The following SLC13A3 variants were observed in gnomAD, a reference collection of about 807,000 sequenced individuals.
SLC13A3 encodes solute carrier family 13 member 3.
A neutral mutation model predicts 59.0 loss-of-function variants in SLC13A3; 40 were observed. The ratio of observed to expected loss-of-function variants is 0.68; its 90% CI spans 0.53 to 0.88. The LOEUF (loss-of-function observed/expected upper bound fraction) is 0.88, where lower values mean the gene tolerates loss of function less well. SLC13A3 is among the 40% of genes least tolerant of loss of function. SLC13A3 has a pLI of 0.00. For synonymous variants in SLC13A3, 317 were observed against 330.3 expected (o/e 0.96, Z 0.44); for missense variants, 699 against 783.2 (o/e 0.89, Z 1.28).
At chr20:46,560,649 CG>C (rs1415032178) in intron 12 of SLC13A3, among the ~76,000 whole-genome samples, 1 of 152,138 alleles carries the variant, frequency 6.6e-6, no homozygotes, top group Non-Finnish European at 1.5e-5. Flanking sequence ...CACACACACA[CG>C]CATGCATGTA....
chr20:46,632,913 A>AGATAGATAGATAGACAGACAGATAGC (rs1369865976), intron 1 of SLC13A3, among the ~76,000 whole-genome samples: 1 of 56,856 alleles, frequency 1.8e-5, no homozygotes. Context: ...AGATAGATAT[A>AGATAGATAGATAGACAGACAGATAGC]TCTATCTATC....
At chr20:46,649,408 C>T (rs1234706433) in intron 1 of SLC13A3, among the ~76,000 whole-genome samples, 1 of 152,168 alleles carries the variant, frequency 6.6e-6, no homozygotes, top group Non-Finnish European at 1.5e-5. Context: ...AGTAAATGCT[C>T]CCCGCCCCTT....
intron 5 of SLC13A3, among the ~76,000 whole-genome samples, chr20:46,595,773 T>G (rs1254426610): frequency 6.6e-6 from 1 of 152,158 alleles, no homozygotes; most frequent in Non-Finnish European, 1.5e-5. Context: ...GCAATGCCTT[T>G]CCCTCCTGTG....
intron 9 of SLC13A3, among the ~76,000 whole-genome samples, chr20:46,580,463 T>A (rs1308298595): frequency 1.3e-5 from 2 of 148,258 alleles, no homozygotes; most frequent in African/African-American, 4.9e-5. Context: ...ATATATAATA[T>A]ATAAAATAGA....
At chr20:46,615,122 C>T (rs533789724) in intron 1 of SLC13A3, among the ~76,000 whole-genome samples, 5 of 152,190 alleles carry the variant, frequency 3.3e-5, no homozygotes, top group Non-Finnish European at 7.3e-5. Context: ...ACTTAATGTC[C>T]TATTATTTGC....
upstream of SLC13A3, among the ~76,000 whole-genome samples, chr20:46,656,171 G>A (rs182744946): frequency 1.4e-3 from 204 of 142,044 alleles, no homozygotes; most frequent in Middle Eastern, 0.012. Flanking sequence ...TGTACAGTCT[G>A]TATTATATTG....
At chr20:46,625,915 G>A (rs1568943490) in intron 1 of SLC13A3, among the ~76,000 whole-genome samples, 1 of 152,136 alleles carries the variant, frequency 6.6e-6, no homozygotes. Context: ...CCTGCTGGTG[G>A]ACATTTGTAT....
intron 3 of SLC13A3, among the ~76,000 whole-genome samples, chr20:46,602,282 G>A (rs775053022): frequency 6.6e-6 from 1 of 152,130 alleles, no homozygotes; most frequent in Admixed American, 6.6e-5. Context: ...GCTGCAGTGA[G>A]GTATGATCAT....
chr20:46,610,715 T>C (rs1272001459), intron 2 of SLC13A3, 106 bp from the exon 3 acceptor site: 4 of 953,148 alleles, frequency 4.2e-6, no homozygotes, highest in African/African-American at 3.3e-5. Flanking sequence ...ATTTTACAGA[T>C]GGAAACTTGA....
chr20:46,657,489 C>T (rs2063002500), intron 1 of SLC13A3, among the ~76,000 whole-genome samples: 1 of 151,898 alleles, frequency 6.6e-6, no homozygotes, highest in Admixed American at 6.6e-5. Flanking sequence ...TTATTTAAAA[C>T]TTGTTTTTGC....
chr20:46,601,498 T>C (rs2062380123), intron 3 of SLC13A3, among the ~76,000 whole-genome samples: 1 of 152,190 alleles, frequency 6.6e-6, no homozygotes, highest in Non-Finnish European at 1.5e-5. Context: ...GCACCTGTCA[T>C]GTACCTGGTG....
intron 1 of SLC13A3, among the ~76,000 whole-genome samples, chr20:46,626,701 C>T (rs1295727369): frequency 2.6e-5 from 4 of 152,166 alleles, no homozygotes; most frequent in African/African-American, 4.8e-5. Context: ...CTGACCTTCC[C>T]ACTCTGCCAG....
intron 10 of SLC13A3, among the ~76,000 whole-genome samples, chr20:46,571,780 G>T (rs2062030388): frequency 6.6e-6 from 1 of 152,070 alleles, no homozygotes; most frequent in African/African-American, 2.4e-5. Flanking sequence ...TCTAGATGTG[G>T]GGGCTTGGGA....
At chr20:46,664,757 G>A (rs2063052407) in intron 1 of SLC13A3, among the ~76,000 whole-genome samples, 1 of 152,086 alleles carries the variant, frequency 6.6e-6, no homozygotes. Flanking sequence ...TCCATGAAGA[G>A]GACCCTAAGT....
chr20:46,626,213 C>T (rs2062669885), intron 1 of SLC13A3, among the ~76,000 whole-genome samples: 1 of 148,984 alleles, frequency 6.7e-6, no homozygotes, highest in Non-Finnish European at 1.5e-5. Context: ...CTCTGTCTGT[C>T]CTCTCTCTCC....
chr20:46,666,731 T>C (rs912526943), intron 1 of SLC13A3, among the ~76,000 whole-genome samples: 1 of 152,152 alleles, frequency 6.6e-6, no homozygotes, highest in Non-Finnish European at 1.5e-5. Flanking sequence ...CTCGAACTCC[T>C]GGGCTCAAGC....
At chr20:46,638,690 C>T (rs1211128552) in intron 1 of SLC13A3, among the ~76,000 whole-genome samples, 3 of 152,230 alleles carry the variant, frequency 2.0e-5, no homozygotes, top group Admixed American at 6.5e-5. Flanking sequence ...TCAGTTTCCT[C>T]ATCAGCAAAA....
upstream of SLC13A3, among the ~76,000 whole-genome samples, chr20:46,655,908 G>GTA (rs1417268700): frequency 3.7e-5 from 5 of 136,796 alleles, no homozygotes; most frequent in Admixed American, 7.6e-5. Flanking sequence ...ATACTGTACA[G>GTA]TATATTATAT....
chr20:46,672,730 T>C (rs1216313804), upstream of SLC13A3, among the ~76,000 whole-genome samples: 1 of 152,168 alleles, frequency 6.6e-6, no homozygotes, highest in East Asian at 1.9e-4. Flanking sequence ...TCTAGAACAC[T>C]TGTCCTTGGA....
Sources: allele counts gnomAD v4.1 joint callset (sites outside exome capture counted in the v4.1 genomes callset), GRCh38; gene constraint gnomAD v4.1.1; transcripts MANE v1.5; gene names NCBI Gene and HGNC (gene_info 2026-07-23, HGNC 2026-07-21).